Variants in PCSK2 observed in about 807,000 individuals in gnomAD.
The protein encoded by PCSK2 is proprotein convertase subtilisin/kexin type 2, also known as neuroendocrine convertase 2.
Under a neutral mutation model 69.7 loss-of-function variants are expected in PCSK2, and 14 were observed. The observed-to-expected ratio is 0.20, with a 90% CI of 0.13 to 0.31. PCSK2 has a LOEUF of 0.31. PCSK2 is among the 10% of genes least tolerant of loss of function. The pLI is 1.00. For missense variants in PCSK2, 544 were observed against 842.5 expected (o/e 0.65, Z 4.39); for synonymous variants, 307 against 320.7 (o/e 0.96, Z 0.46).
intron 2 of PCSK2, among the ~76,000 whole-genome samples, chr20:17,265,511 A>G (rs931518382): frequency 1.3e-5 from 2 of 152,248 alleles, no homozygotes; most frequent in African/African-American, 2.4e-5. Flanking sequence ...TTACTTATTA[A>G]GAAACATAGT....
intron 1 of PCSK2, among the ~76,000 whole-genome samples, chr20:17,246,957 G>A (rs896381180): frequency 1.3e-5 from 2 of 152,136 alleles, no homozygotes; most frequent in African/African-American, 4.8e-5. Context: ...TGAAACTCAG[G>A]CCTGTCTATT....
At chr20:17,349,988 G>A (rs1382384098) in intron 2 of PCSK2, among the ~76,000 whole-genome samples, 1 of 151,964 alleles carries the variant, frequency 6.6e-6, no homozygotes, top group African/African-American at 2.4e-5. Flanking sequence ...TTGTTTTCTT[G>A]TAGTGATGTT....
intron 2 of PCSK2, among the ~76,000 whole-genome samples, chr20:17,291,435 T>A (rs1053838916): frequency 2.0e-5 from 3 of 152,200 alleles, no homozygotes; most frequent in African/African-American, 7.2e-5. Context: ...TATGAATTGA[T>A]TACATTTTAG....
At chr20:17,298,763 A>G (rs1271783386) in intron 2 of PCSK2, among the ~76,000 whole-genome samples, 1 of 152,036 alleles carries the variant, frequency 6.6e-6, no homozygotes, top group African/African-American at 2.4e-5. Flanking sequence ...CCAGTATTTG[A>G]GCAAATCTTT....
chr20:17,461,145 C>G (rs1474486331), intron 10 of PCSK2, among the ~76,000 whole-genome samples: 2 of 152,096 alleles, frequency 1.3e-5, no homozygotes, highest in African/African-American at 2.4e-5. Flanking sequence ...ACATGATGCA[C>G]AAAATCAGGT....
chr20:17,333,318 A>G (rs8116679), intron 2 of PCSK2, among the ~76,000 whole-genome samples: 55,801 of 152,100 alleles, frequency 0.37, 11,767 homozygotes, highest in Non-Finnish European at 0.48. Context: ...TTTTTGTATT[A>G]TTTCCAAATT....
At chr20:17,409,455 T>C in intron 6 of PCSK2, 116 bp downstream of exon 6, 1 of 708,222 alleles carries the variant, frequency 1.4e-6, no homozygotes, top group Non-Finnish European at 2.5e-6. Context: ...CATTAAATTA[T>C]ATTGTGATTT....
intron 2 of PCSK2, among the ~76,000 whole-genome samples, chr20:17,342,671 T>C (rs1990539677): frequency 1.3e-5 from 2 of 151,800 alleles, no homozygotes. Flanking sequence ...TCGTGCTCTG[T>C]TGCTCAGACT....
chr20:17,247,435 C>T (rs1193440557), intron 1 of PCSK2, among the ~76,000 whole-genome samples: 1 of 152,206 alleles, frequency 6.6e-6, no homozygotes, highest in Non-Finnish European at 1.5e-5. Context: ...AACCTCTTGA[C>T]AGCAGTCCCT....
In PCSK2 at chr20:17,229,151, C is replaced by A. The variant is rs1431197489; in HGVS notation, c.177+1669C>A. 2.0e-5 allele frequency among the ~76,000 whole-genome samples: 3 copies of A among 151,870 alleles called. No homozygotes were observed. The East Asian group carries it at 5.8e-4, about 30-fold the overall frequency. ...GTCCTTACATAGATTTTTACTTAAT[C>A]TTCTCAACATCTCTGAGGAGGCTAC... On this transcript the variant is annotated intron_variant, in intron 1 of 11. Transcript: ENST00000262545.
At chr20:17,410,523 A>AATTTTGTAAT (rs1396983922) in intron 6 of PCSK2, among the ~76,000 whole-genome samples, 1 of 152,230 alleles carries the variant, frequency 6.6e-6, no homozygotes, top group Non-Finnish European at 1.5e-5. Flanking sequence ...AATGAAATTT[A>AATTTTGTAAT]ATTTTGTAAT....
intron 5 of PCSK2, among the ~76,000 whole-genome samples, chr20:17,383,176 T>G (rs1375973936): frequency 1.3e-5 from 2 of 152,150 alleles, no homozygotes; most frequent in Non-Finnish European, 2.9e-5. Context: ...ACACTTGGCT[T>G]TCCTCTTTTT....
intron 1 of PCSK2, among the ~76,000 whole-genome samples, chr20:17,248,154 C>A (rs1294357910): frequency 6.8e-6 from 1 of 147,768 alleles, no homozygotes; most frequent in East Asian, 2.0e-4. Context: ...CTTAAGAGAA[C>A]AAAGTGATGA....
chr20:17,426,299 T>C (rs1159414657), intron 6 of PCSK2, among the ~76,000 whole-genome samples: 1 of 152,192 alleles, frequency 6.6e-6, no homozygotes, highest in African/African-American at 2.4e-5. Context: ...TGTGAAGAGG[T>C]GCCTTCCACC....
At chr20:17,461,491 A>C (rs2033013580) in intron 10 of PCSK2, among the ~76,000 whole-genome samples, 1 of 152,232 alleles carries the variant, frequency 6.6e-6, no homozygotes, top group Non-Finnish European at 1.5e-5. Context: ...TTACATTGTC[A>C]GATAAAGATC....
At chr20:17,303,505 A>T (rs1175805804) in intron 2 of PCSK2, among the ~76,000 whole-genome samples, 1 of 39,668 alleles carries the variant, frequency 2.5e-5, no homozygotes, top group Non-Finnish European at 4.7e-5. Flanking sequence ...AATATAATAT[A>T]TATTATATAT....
chr20:17,249,774 T>C (rs922681955), intron 1 of PCSK2, among the ~76,000 whole-genome samples: 1 of 152,118 alleles, frequency 6.6e-6, no homozygotes, highest in African/African-American at 2.4e-5. Flanking sequence ...ATTCCACTTA[T>C]ATAACCTAAT....
chr20:17,260,558 A>G (rs1036768783), intron 2 of PCSK2, among the ~76,000 whole-genome samples: 1 of 152,204 alleles, frequency 6.6e-6, no homozygotes, highest in South Asian at 2.1e-4. Flanking sequence ...GGCTGGAGGA[A>G]GAGGAAATTG....
chr20:17,366,330 C>A (rs1419520491), intron 4 of PCSK2, among the ~76,000 whole-genome samples: 1 of 152,136 alleles, frequency 6.6e-6, no homozygotes, highest in Non-Finnish European at 1.5e-5. Context: ...GATTTATGAA[C>A]CAAATTATAA....
Sources: allele counts gnomAD v4.1 joint callset (sites outside exome capture counted in the v4.1 genomes callset), GRCh38; gene constraint gnomAD v4.1.1; transcripts MANE v1.5; gene names NCBI Gene and HGNC (gene_info 2026-07-23, HGNC 2026-07-21).